SETBP1: variants seen among roughly 807,000 people sequenced by gnomAD.
SETBP1 encodes SET-binding protein.
A neutral mutation model predicts 101.0 loss-of-function variants in SETBP1; 9 were observed. That is an observed-to-expected ratio of 0.09 (90% CI 0.05 to 0.16). The LOEUF (loss-of-function observed/expected upper bound fraction) is 0.16, where lower values mean the gene tolerates loss of function less well. SETBP1 is among the 10% of genes least tolerant of loss of function. The probability of loss-of-function intolerance (pLI) is 1.00; values close to 1 mark genes in which losing one functional copy is unlikely to be tolerated. For missense variants in SETBP1, 1,858 were observed against 2,033.8 expected, an observed-to-expected ratio of 0.91 and a Z score of 1.66; for synonymous variants, 818 against 788.5, an observed-to-expected ratio of 1.04 and a Z score of -0.63.
At chr18:44,786,328 A>C (rs1029229621) in intron 2 of SETBP1, among the ~76,000 whole-genome samples, 1 of 152,196 alleles carries the variant, frequency 6.6e-6, no homozygotes, top group Non-Finnish European at 1.5e-5. Context: ...TTTTTGGTTT[A>C]ATATTGACAA....
intron 4 of SETBP1, among the ~76,000 whole-genome samples, chr18:45,010,614 T>C (rs1001518439): frequency 3.3e-5 from 5 of 152,216 alleles, no homozygotes; most frequent in African/African-American, 9.6e-5. Flanking sequence ...ATGGTTCTCA[T>C]TGGTGTTACT....
intron 3 of SETBP1, chr18:44,876,754 C>T (rs2069415607): frequency 6.6e-7 from 1 of 1,518,386 alleles, no homozygotes; most frequent in South Asian, 1.3e-5. Flanking sequence ...AGAAGTATAA[C>T]TTCGCATGGA....
intron 3 of SETBP1, among the ~76,000 whole-genome samples, chr18:44,875,511 G>A (rs186915117): frequency 1.8e-5 from 2 of 111,654 alleles, no homozygotes; most frequent in Non-Finnish European, 3.3e-5. Flanking sequence ...CCTGGCAAGA[G>A]AGCAAGACTC....
At chr18:44,746,025 A>C (rs2070237032) in intron 2 of SETBP1, among the ~76,000 whole-genome samples, 1 of 152,138 alleles carries the variant, frequency 6.6e-6, no homozygotes, top group African/African-American at 2.4e-5. Flanking sequence ...GATGTGGTCA[A>C]ATATGCAGGG....
At chr18:44,814,009 T>C (rs1231946155) in intron 2 of SETBP1, among the ~76,000 whole-genome samples, 3 of 151,986 alleles carry the variant, frequency 2.0e-5, no homozygotes, top group African/African-American at 4.8e-5. Flanking sequence ...TAATGATAAA[T>C]AAAGACGAGG....
chr18:44,711,660 G>A (rs1599020314), intron 2 of SETBP1, among the ~76,000 whole-genome samples: 1 of 149,816 alleles, frequency 6.7e-6, no homozygotes, highest in East Asian at 2.0e-4. Flanking sequence ...TGAGTAGCTA[G>A]TACTGCAGGT....
chr18:44,952,525 A>G lies in SETBP1; in HGVS notation c.3185A>G (p.Asn1062Ser). ...GMPYTSMPMMNLGYYGQYPAP... is the reference protein window; with the variant it reads ...GMPYTSMPMMSLGYYGQYPAP... ...CCTTACACATCAATGCCTATGATGA[A>G]CCTTGGTTATTACGGTCAGTACCCA... Residue 1062 changes from asparagine (N) to serine (S), a missense_variant, in exon 4 of 6, where the codon AAC becomes AGC. Physicochemically the swap from Asn to Ser is conservative, Grantham distance 46. Coordinates refer to ENST00000649279, the MANE Select transcript of SETBP1 (RefSeq NM_015559.3). 1.9e-6 allele frequency: 3 copies of G among 1,614,104 alleles called. No homozygotes were observed. The highest frequency in any genetic ancestry group is 2.2e-5 in the East Asian group (1 of 44,860).
chr18:44,754,045 C>T (rs558889880), intron 2 of SETBP1, among the ~76,000 whole-genome samples: 2 of 152,166 alleles, frequency 1.3e-5, no homozygotes. Context: ...CACCATAGAT[C>T]GCCTCTGTTC....
In SETBP1 at chr18:44,842,949, G is replaced by A. The variant is rs114083253; in HGVS notation, c.487-26281G>A. On this transcript the variant is annotated intron_variant, in intron 2 of 5. Coordinates refer to ENST00000649279, the MANE Select transcript of SETBP1 (RefSeq NM_015559.3). ...ACCCTTGAGCTGGCAGAGCCATGGG[G>A]GGACTCCTGGGGCTTCCCCTTCATT... Among the ~76,000 whole-genome samples the A allele has an allele frequency of 7.3e-3, 1,110 of 152,340 alleles. 9 individuals carry two copies. Among genetic ancestry groups the A allele is most frequent in the African/African-American group, 0.025 (1,038 of 41,576 alleles).
At chr18:45,028,265 G>C (rs1206607330) in intron 4 of SETBP1, among the ~76,000 whole-genome samples, 1 of 150,150 alleles carries the variant, frequency 6.7e-6, no homozygotes, top group Non-Finnish European at 1.5e-5. Context: ...GCAGTGTTTG[G>C]TTTTTTGTTC....
At chr18:45,058,980 A>G (rs1020544619) in intron 5 of SETBP1, among the ~76,000 whole-genome samples, 2 of 152,230 alleles carry the variant, frequency 1.3e-5, no homozygotes, top group Admixed American at 1.3e-4. Flanking sequence ...AAAAATATTT[A>G]GGTGAAATAA....
intron 1 of SETBP1, among the ~76,000 whole-genome samples, chr18:44,695,859 CTT>C (rs749678683): frequency 2.1e-5 from 3 of 142,042 alleles, no homozygotes; most frequent in Admixed American, 1.4e-4. Context: ...GGGAAACCAC[CTT>C]TTTTTTTTTT....
chr18:45,014,094 A>ATCC (rs1300583625), intron 4 of SETBP1, among the ~76,000 whole-genome samples: 1 of 152,220 alleles, frequency 6.6e-6, no homozygotes, highest in Admixed American at 6.5e-5. Context: ...TGGGACTCAA[A>ATCC]TTCTCCAAGG....
chr18:44,967,427 A>G (rs1887022642), intron 4 of SETBP1, among the ~76,000 whole-genome samples: 2 of 152,232 alleles, frequency 1.3e-5, no homozygotes, highest in Admixed American at 6.5e-5. Context: ...AAATAATGAA[A>G]TGTGGATTGG....
At chr18:44,733,408 T>A (rs779383776) in intron 2 of SETBP1, 4 of 152,206 alleles carry the variant, frequency 2.6e-5, no homozygotes, top group Non-Finnish European at 4.4e-5. Flanking sequence ...AGTCCTGTCT[T>A]CCGGCCTGTC....
At chr18:44,790,309 C>T (rs1388490109) in intron 2 of SETBP1, among the ~76,000 whole-genome samples, 1 of 152,178 alleles carries the variant, frequency 6.6e-6, no homozygotes, top group East Asian at 1.9e-4. Flanking sequence ...CTGCTGGGTA[C>T]CTTGAAAGAT....
chr18:44,952,824 C>T lies in SETBP1; in HGVS notation c.3484C>T (p.Arg1162Trp), dbSNP rs778181199. Residue 1162 changes from arginine (R) to tryptophan (W), a missense_variant, in exon 4 of 6, where the codon CGG (arginine) becomes TGG (tryptophan). Coordinates refer to ENST00000649279, the MANE Select transcript of SETBP1 (RefSeq NM_015559.3). Reference protein sequence around the residue: ...HKHKHKHKEDRILGTHDNLSG... With the variant: ...HKHKHKHKEDWILGTHDNLSG... ...ACACAAGCATAAGCACAAGGAAGACCGGATCCTAGGGACCCATGACAACCT... is the reference window on the plus strand; with the variant it reads ...ACACAAGCATAAGCACAAGGAAGACTGGATCCTAGGGACCCATGACAACCT... The T allele has an allele frequency of 8.7e-6, 14 of 1,614,044 alleles. No individual in the cohort carries two copies. Among genetic ancestry groups the T allele is most frequent in the Middle Eastern group, 1.6e-4 (1 of 6,062 alleles).
intron 1 of SETBP1, among the ~76,000 whole-genome samples, chr18:44,695,630 CG>C (rs1248790685): frequency 6.6e-6 from 1 of 151,990 alleles, no homozygotes; most frequent in African/African-American, 2.4e-5. Context: ...AGTCCAGAGC[CG>C]AGGGAGGACT....
At position 44,807,909 on chromosome 18, in the gene SETBP1, G is replaced by A. The variant is rs569977371; in HGVS notation, c.487-61321G>A. On this transcript the variant is annotated intron_variant, in intron 2 of 5. Transcript: ENST00000649279. Reference sequence around the variant, plus strand: ...GACATGTGGGCTGGGTCCTGAGGCTGCACAGCCAGAAGGAGCAAACCAAGG... The same window carrying A: ...GACATGTGGGCTGGGTCCTGAGGCTACACAGCCAGAAGGAGCAAACCAAGG... Among the ~76,000 whole-genome samples, 20 of 152,294 alleles carry A rather than the reference G, an allele frequency of 1.3e-4. No individual in the cohort carries two copies. The South Asian group carries it at 4.1e-3, about 32-fold the overall frequency.
Sources: allele counts gnomAD v4.1 joint callset (sites outside exome capture counted in the v4.1 genomes callset), GRCh38; gene constraint gnomAD v4.1.1; transcripts MANE v1.5; gene names NCBI Gene and HGNC (gene_info 2026-07-23, HGNC 2026-07-21).